The following XKR4 variants were observed in gnomAD, a reference collection of about 807,000 sequenced individuals.
XKR4 encodes the protein XK related 4.
A neutral mutation model predicts 53.9 loss-of-function variants in XKR4; 12 were observed. That is an observed-to-expected ratio of 0.22 (90% CI 0.14 to 0.36). The LOEUF is 0.36. XKR4 is among the 10% of genes least tolerant of loss of function. The probability of loss-of-function intolerance (pLI) is 1.00; values close to 1 mark genes in which losing one functional copy is unlikely to be tolerated. For synonymous variants in XKR4, 354 were observed against 362.4 expected (o/e 0.98, Z 0.26); for missense variants, 799 against 859.5 (o/e 0.93, Z 0.88).
At position 55,535,203 on chromosome 8, in the gene XKR4, G is replaced by A. The variant is rs1323524537; in HGVS notation, c.*10976G>A. On this transcript the variant is annotated 3_prime_UTR_variant, in exon 3 of 3. Coordinates refer to ENST00000327381, the MANE Select transcript of XKR4 (RefSeq NM_052898.2). The stretch of plus-strand genomic sequence containing the variant: ...GGGACAAAAAGTGGTCTACCACCAT[G>A]TGACTTATTTTCTTTTTTTTTTTAA... 2 of 134,632 alleles carry A rather than the reference G, an allele frequency of 1.5e-5. No homozygotes were observed. Among genetic ancestry groups the A allele is most frequent in the African/African-American group, 2.8e-5 (1 of 36,314 alleles). The allele number at this position is 134,632 out of a possible 1,614,324, so 8.3% of individuals were successfully genotyped here.
At chr8:55,482,418 G>T (rs1464532997) in intron 2 of XKR4, among the ~76,000 whole-genome samples, 1 of 152,166 alleles carries the variant, frequency 6.6e-6, no homozygotes, top group East Asian at 1.9e-4. Flanking sequence ...ATGGGGGAGG[G>T]ATAGCATTAG....
chr8:55,164,236 T>G (rs896815456), intron 1 of XKR4: 1 of 456,570 alleles, frequency 2.2e-6, no homozygotes, highest in African/African-American at 2.0e-5. Context: ...CTGTCGGCAT[T>G]GAGACCCATC....
At chr8:55,436,906 G>A (rs1004847113) in intron 2 of XKR4, among the ~76,000 whole-genome samples, 4 of 152,162 alleles carry the variant, frequency 2.6e-5, no homozygotes, top group Admixed American at 2.6e-4. Flanking sequence ...TCTGAGGGGG[G>A]TCTCAGACAC....
chr8:55,350,867 G>A (rs1262070587), intron 1 of XKR4, among the ~76,000 whole-genome samples: 2 of 151,432 alleles, frequency 1.3e-5, no homozygotes. Context: ...AGCCTCCTGA[G>A]TAGCTGGGAT....
chr8:55,176,642 A>C (rs574477825), intron 1 of XKR4, among the ~76,000 whole-genome samples: 54 of 152,344 alleles, frequency 3.5e-4, no homozygotes, highest in Non-Finnish European at 6.6e-4. Context: ...AAATGTGGAC[A>C]GGGTTCTGAC....
intron 2 of XKR4, among the ~76,000 whole-genome samples, chr8:55,504,891 A>G (rs1336434799): frequency 6.6e-6 from 1 of 152,102 alleles, no homozygotes; most frequent in East Asian, 1.9e-4. Context: ...CTTCTGTAAA[A>G]TTCGTAGTGA....
chr8:55,131,799 G>C (rs1426690489), intron 1 of XKR4, among the ~76,000 whole-genome samples: 1 of 151,688 alleles, frequency 6.6e-6, no homozygotes, highest in Non-Finnish European at 1.5e-5. Flanking sequence ...AGGCTGGAGT[G>C]CAGTGGTATG....
intron 2 of XKR4, chr8:55,451,907 T>G: frequency 2.4e-6 from 2 of 818,812 alleles, no homozygotes; most frequent in South Asian, 3.0e-5. Flanking sequence ...GACACTGAGA[T>G]CTCCTCCTCC....
intron 1 of XKR4, among the ~76,000 whole-genome samples, chr8:55,179,589 C>T (rs984173816): frequency 6.6e-6 from 1 of 152,178 alleles, no homozygotes; most frequent in South Asian, 2.1e-4. Context: ...TATGTTTCAG[C>T]TTTGCATCCT....
Position 55,476,833 on chromosome 8 carries a change from C to T in XKR4, c.1007-46448C>T, listed in dbSNP as rs573980631. On this transcript the variant is annotated intron_variant, in intron 2 of 2. Transcript: ENST00000327381. ...CTGAGATCAAACTGCAAGATGGTAG[C>T]GAGGCTGGGGGAGGGGCACCTGCCA... Among the ~76,000 whole-genome samples the T allele has an allele frequency of 8.7e-4, 132 of 152,124 alleles. 1 individual carries two copies. The highest frequency in any genetic ancestry group is 2.6e-3 in the African/African-American group (107 of 41,414).
intron 1 of XKR4, among the ~76,000 whole-genome samples, chr8:55,163,490 C>CT (rs1400167465): frequency 6.6e-6 from 1 of 152,164 alleles, no homozygotes; most frequent in African/African-American, 2.4e-5. Flanking sequence ...CCTGTGGACT[C>CT]TGTGTTTTTT....
chr8:55,518,630 G>A (rs958378634), intron 2 of XKR4, among the ~76,000 whole-genome samples: 5 of 152,182 alleles, frequency 3.3e-5, no homozygotes, highest in Non-Finnish European at 5.9e-5. Flanking sequence ...TTGCTTCCAG[G>A]TATTTCATCG....
intron 1 of XKR4, among the ~76,000 whole-genome samples, chr8:55,172,093 A>T: frequency 6.6e-6 from 1 of 152,016 alleles, no homozygotes; most frequent in South Asian, 2.1e-4. Context: ...GCATTCCTGT[A>T]ATCCTAGCTA....
chr8:55,302,462 T>C (rs1388458959), intron 1 of XKR4, among the ~76,000 whole-genome samples: 1 of 152,248 alleles, frequency 6.6e-6, no homozygotes, highest in African/African-American at 2.4e-5. Context: ...TGGCTTAGGA[T>C]TGACTTGACA....
At chr8:55,426,379 T>C (rs1036278649) in intron 2 of XKR4, among the ~76,000 whole-genome samples, 6 of 152,134 alleles carry the variant, frequency 3.9e-5, no homozygotes, top group Admixed American at 6.5e-5. Context: ...TTGCGCTCTC[T>C]CTCTCTCTCT....
rs773021217 is a variant in XKR4 at position 55,523,712 on chromosome 8, G to A, written c.1438G>A (p.Ala480Thr). ...ALSALWYLYK[A>T]PQIADAFAIP... ...GAGTGCCCTCTGGTACCTCTACAAG[G>A]CTCCCCAGATTGCAGACGCATTTGC... Residue 480 changes from alanine to threonine, a missense_variant, in exon 3 of 3, where the codon GCT becomes ACT. Around this residue, in one of 3 missense-constraint regions of XKR4, gnomAD observed 269 missense variants for 264.4 expected, o/e 1.02. Coordinates refer to ENST00000327381, the MANE Select transcript of XKR4 (RefSeq NM_052898.2). 14 of 1,614,004 alleles carry A rather than the reference G, an allele frequency of 8.7e-6. No homozygotes were observed. Among genetic ancestry groups the A allele is most frequent in the Non-Finnish European group, 2.5e-6 (3 of 1,180,026 alleles).
intron 2 of XKR4, among the ~76,000 whole-genome samples, chr8:55,496,303 A>G (rs1806347800): frequency 6.6e-6 from 1 of 152,202 alleles, no homozygotes; most frequent in Admixed American, 6.5e-5. Context: ...CTGGCTGCCA[A>G]TTCCTGGACC....
At chr8:55,210,092 T>G (rs1323415207) in intron 1 of XKR4, among the ~76,000 whole-genome samples, 1 of 151,724 alleles carries the variant, frequency 6.6e-6, no homozygotes, top group Non-Finnish European at 1.5e-5. Flanking sequence ...CTCCATTTTT[T>G]TTTTTTTTTT....
intron 2 of XKR4, among the ~76,000 whole-genome samples, chr8:55,415,276 T>C (rs981326627): frequency 5.9e-5 from 9 of 152,180 alleles, no homozygotes; most frequent in Non-Finnish European, 1.0e-4. Context: ...GTTAGGTTCA[T>C]ATAAGGCAGG....
Sources: gnomAD v4.1 joint callset for allele counts (sites outside exome capture counted in the v4.1 genomes callset) on GRCh38, gnomAD v4.1.1 for gene constraint, gnomAD v4.1.1 regional missense constraint, MANE v1.5 for transcripts, NCBI Gene and HGNC (gene_info 2026-07-23, HGNC 2026-07-21) for gene names.